The following MECOM variants were observed in gnomAD, a reference collection of about 807,000 sequenced individuals.
MECOM encodes MDS1 and EVI1 complex locus, also known as histone-lysine N-methyltransferase MECOM.
Under a neutral mutation model 116.3 loss-of-function variants are expected in MECOM, and 13 were observed. The ratio of observed to expected loss-of-function variants is 0.11; its 90% CI spans 0.07 to 0.18. The LOEUF (loss-of-function observed/expected upper bound fraction) is 0.18, where lower values mean the gene tolerates loss of function less well. Ranked by LOEUF, MECOM falls within the 10% of genes least tolerant of loss-of-function variation. MECOM has a pLI of 1.00. For missense variants in MECOM, 1,299 were observed against 1,509.0 expected, an observed-to-expected ratio of 0.86 and a Z score of 2.31; for synonymous variants, 528 against 535.2, an observed-to-expected ratio of 0.99 and a Z score of 0.19.
chr3:169,097,817 TAAAAAAA>T (rs539873617), intron 12 of MECOM, among the ~76,000 whole-genome samples: 4,866 of 87,314 alleles, frequency 0.056, 434 homozygotes, highest in African/African-American at 0.18. Context: ...ACTGTCTATA[TAAAAAAA>T]AAAAAAAAAA....
At chr3:169,145,143 AACACACACAC>A (rs67598122) in intron 2 of MECOM, 9,583 of 512,584 alleles carry the variant, frequency 0.019, 92 homozygotes, top group Non-Finnish European at 0.022. Flanking sequence ...GATATTATTA[AACACACACAC>A]ACACACACAC....
At chr3:169,305,959 A>G (rs1717613278) in intron 2 of MECOM, among the ~76,000 whole-genome samples, 1 of 152,162 alleles carries the variant, frequency 6.6e-6, no homozygotes, top group African/African-American at 2.4e-5. Context: ...CAAAGATAAT[A>G]TAGAAAAACA....
At chr3:169,580,733 G>T (rs1222404209) in intron 1 of MECOM, among the ~76,000 whole-genome samples, 1 of 152,152 alleles carries the variant, frequency 6.6e-6, no homozygotes, top group Non-Finnish European at 1.5e-5. Context: ...ATTAAATCAA[G>T]TTGCCCCAAA....
chr3:169,637,426 T>C (rs191513460), intron 1 of MECOM, among the ~76,000 whole-genome samples: 2 of 152,348 alleles, frequency 1.3e-5, no homozygotes, highest in African/African-American at 4.8e-5. Flanking sequence ...ACTTGGAGAC[T>C]GTGGATAGCA....
chr3:169,474,867 A>G (rs1578202647), intron 1 of MECOM, among the ~76,000 whole-genome samples: 2 of 152,258 alleles, frequency 1.3e-5, no homozygotes, highest in African/African-American at 2.4e-5. Context: ...ATCTATATTG[A>G]TATCTGTCTG....
At chr3:169,392,703 G>A (rs1423119088) in intron 1 of MECOM, among the ~76,000 whole-genome samples, 1 of 152,126 alleles carries the variant, frequency 6.6e-6, no homozygotes, top group African/African-American at 2.4e-5. Flanking sequence ...AAAGAGTTGA[G>A]TATAAGTAAT....
intron 1 of MECOM, among the ~76,000 whole-genome samples, chr3:169,641,511 T>G (rs1773488719): frequency 6.6e-6 from 1 of 152,224 alleles, no homozygotes. Flanking sequence ...TTTATTTTCC[T>G]TGCAAATTGT....
At chr3:169,484,006 C>A in intron 1 of MECOM, 3 of 1,586,520 alleles carry the variant, frequency 1.9e-6, no homozygotes, top group East Asian at 2.2e-5. Context: ...GAACTTGCTT[C>A]TTTTTTTTGC....
intron 2 of MECOM, among the ~76,000 whole-genome samples, chr3:169,278,709 G>C (rs576163755): frequency 2.0e-5 from 3 of 152,352 alleles, no homozygotes; most frequent in Non-Finnish European, 4.4e-5. Flanking sequence ...GAGCTGAATA[G>C]TCAATGGAAA....
At chr3:169,136,764 T>TTC (rs1253619759) in intron 3 of MECOM, among the ~76,000 whole-genome samples, 1 of 152,072 alleles carries the variant, frequency 6.6e-6, no homozygotes, top group African/African-American at 2.4e-5. Flanking sequence ...GACAGAAAAG[T>TTC]TCTGCACACA....
intron 2 of MECOM, among the ~76,000 whole-genome samples, chr3:169,292,332 CAAAAT>C (rs1714729772): frequency 1.3e-5 from 2 of 151,690 alleles, no homozygotes; most frequent in Admixed American, 1.3e-4. Flanking sequence ...GATGCCATCT[CAAAAT>C]AAAATAAAAT....
At chr3:169,598,819 A>G (rs967148275) in intron 1 of MECOM, among the ~76,000 whole-genome samples, 1 of 152,212 alleles carries the variant, frequency 6.6e-6, no homozygotes, top group African/African-American at 2.4e-5. Context: ...GGAGACAAAA[A>G]TGGATCCAAA....
chr3:169,149,615 T>C (rs2149320962), intron 2 of MECOM: 1 of 459,654 alleles, frequency 2.2e-6, no homozygotes, highest in Non-Finnish European at 4.4e-6. Context: ...TCCGCGTCCT[T>C]CCGAGCTACG....
Position 169,663,320 on chromosome 3 carries a change from G to T in MECOM, c.37+16C>A. Reference sequence around the variant, plus strand: ...AGGAGGGGGAAAAGCCAATAGAAAAGGGATATTGCACCTACTTGTGGCCAG... The same window carrying T: ...AGGAGGGGGAAAAGCCAATAGAAAATGGATATTGCACCTACTTGTGGCCAG... On this transcript the variant is annotated intron_variant, in intron 1 of 16. Transcript: ENST00000651503. 1 of 1,606,182 alleles carries T rather than the reference G, an allele frequency of 6.2e-7. No homozygotes were observed.
In MECOM at chr3:169,441,744, TA is replaced by T. The variant is rs932479349; in HGVS notation, c.38-60221del. Among the ~76,000 whole-genome samples the T allele has an allele frequency of 4.3e-4, 61 of 142,098 alleles. 2 individuals carry two copies. The highest frequency in any genetic ancestry group is 9.1e-4 in the African/African-American group (36 of 39,628). 93.2% of individuals were successfully genotyped at this position (142,098 alleles called of 152,430 possible). On this transcript the variant is annotated intron_variant, in intron 1 of 16. Transcript: ENST00000651503. ...TCTTCTCTTCTTTTTTTTTTTTTTT[TA>T]AAAAAGGGGGGGTCTTGCTCTGTCA...
At chr3:169,142,209 G>A (rs763402160) in intron 3 of MECOM, among the ~76,000 whole-genome samples, 58 of 151,814 alleles carry the variant, frequency 3.8e-4, no homozygotes, top group Non-Finnish European at 4.9e-4. Flanking sequence ...GACTTAGATT[G>A]GCTACAAGTC....
intron 2 of MECOM, among the ~76,000 whole-genome samples, chr3:169,324,879 A>AC (rs1344670754): frequency 4.0e-5 from 6 of 151,478 alleles, no homozygotes; most frequent in Admixed American, 2.0e-4. Flanking sequence ...CTTCCCTACC[A>AC]CCCCCCTCCC....
chr3:169,345,117 G>A (rs887913705), intron 2 of MECOM, among the ~76,000 whole-genome samples: 15 of 152,080 alleles, frequency 9.9e-5, no homozygotes, highest in African/African-American at 3.6e-4. Context: ...TTCACTAAAT[G>A]CATTAATCCA....
At chr3:169,324,592 C>T (rs111783608) in intron 2 of MECOM, among the ~76,000 whole-genome samples, 322 of 152,358 alleles carry the variant, frequency 2.1e-3, no homozygotes, top group Middle Eastern at 0.02. Context: ...ATTTCGGCAA[C>T]GTGCCAAAGT....
Sources: gnomAD v4.1 joint callset for allele counts (sites outside exome capture counted in the v4.1 genomes callset) on GRCh38, gnomAD v4.1.1 for gene constraint, MANE v1.5 for transcripts, NCBI Gene and HGNC (gene_info 2026-07-23, HGNC 2026-07-21) for gene names.